The following ALG6 variants were observed in gnomAD, a reference collection of about 807,000 sequenced individuals.
The protein encoded by ALG6 is ALG6 alpha-1,3-glucosyltransferase, also known as dolichyl pyrophosphate Man9GlcNAc2 alpha-1,3-glucosyltransferase.
Under a neutral mutation model 66.6 loss-of-function variants are expected in ALG6, and 46 were observed. That is an observed-to-expected ratio of 0.69 (90% confidence interval 0.55 to 0.88). ALG6 has a LOEUF of 0.88. Among genes scored for constraint, ALG6 ranks in the 40% least tolerant of loss-of-function variants. The probability of loss-of-function intolerance (pLI) is 0.00; values close to 1 mark genes in which losing one functional copy is unlikely to be tolerated. For missense variants in ALG6, 505 were observed against 586.8 expected (o/e 0.86, Z 1.44); for synonymous variants, 185 against 203.7 (o/e 0.91, Z 0.78).
At chr1:63,386,097 G>A (rs1346792192) in intron 2 of ALG6, among the ~76,000 whole-genome samples, 1 of 152,136 alleles carries the variant, frequency 6.6e-6, no homozygotes, top group Admixed American at 6.6e-5. Context: ...CCTTCATTGT[G>A]TTGATTTGAT....
intron 14 of ALG6, among the ~76,000 whole-genome samples, chr1:63,430,459 C>T (rs1644640280): frequency 6.6e-6 from 1 of 152,206 alleles, no homozygotes; most frequent in Non-Finnish European, 1.5e-5. Context: ...CTATGTTTAA[C>T]ATCTTCAGAA....
In ALG6 at chr1:63,407,204, A is replaced by G. The variant is rs1312767640; in HGVS notation, c.494+78A>G. 4.0e-6 allele frequency: 4 copies of G among 991,676 alleles called. 1 individual carries two copies. The highest frequency in any genetic ancestry group is 6.5e-6 in the Non-Finnish European group (4 of 618,514). The allele number at this position is 991,676 out of a possible 1,614,324, so 61.4% of individuals were successfully genotyped here. A position where few individuals can be genotyped will look rare whatever the true frequency, so the allele number is the denominator to read the frequency against. ...CTCAATGTGTACATTGCTGTCATCT[A>G]GTAATGTCTTATTTGATAGAGTGCT... On this transcript the variant is annotated intron_variant, in intron 7 of 14. Coordinates refer to ENST00000263440, the MANE Select transcript of ALG6 (RefSeq NM_013339.4).
intron 12 of ALG6, among the ~76,000 whole-genome samples, chr1:63,423,567 A>C (rs1227493649): frequency 2.6e-5 from 4 of 151,934 alleles, no homozygotes; most frequent in South Asian, 2.1e-4. Flanking sequence ...ATCTCTGTGG[A>C]TTTGTCTATT....
At chr1:63,395,581 G>T (rs1648800672) in intron 2 of ALG6, among the ~76,000 whole-genome samples, 1 of 152,170 alleles carries the variant, frequency 6.6e-6, no homozygotes, top group Admixed American at 6.5e-5. Flanking sequence ...TATAATCCCA[G>T]CTACTCGGGA....
chr1:63,407,004 AC>A (rs1365996282), intron 6 of ALG6, 57 bp from the exon 7 acceptor site: 2 of 1,349,698 alleles, frequency 1.5e-6, no homozygotes, highest in African/African-American at 2.9e-5. Flanking sequence ...CCACACTTTT[AC>A]CCTGCTTGAT....
At chr1:63,410,662 T>C (rs1038389680) in intron 7 of ALG6, among the ~76,000 whole-genome samples, 2 of 152,214 alleles carry the variant, frequency 1.3e-5, no homozygotes, top group Non-Finnish European at 2.9e-5. Context: ...AAAATCTAAT[T>C]GTGATATTGT....
intron 12 of ALG6, among the ~76,000 whole-genome samples, chr1:63,426,681 C>A (rs11578510): frequency 0.16 from 24,407 of 151,602 alleles, 2,327 homozygotes; most frequent in South Asian, 0.22. Flanking sequence ...GTAACAAGTA[C>A]CCCAGGCGTG....
At chr1:63,394,706 A>C (rs963952343) in intron 2 of ALG6, among the ~76,000 whole-genome samples, 2 of 152,024 alleles carry the variant, frequency 1.3e-5, no homozygotes, top group African/African-American at 4.8e-5. Flanking sequence ...AATAAAAGCT[A>C]CTTAACCAAC....
intron 14 of ALG6, among the ~76,000 whole-genome samples, chr1:63,430,877 A>C (rs1482405563): frequency 1.3e-5 from 2 of 152,020 alleles, no homozygotes; most frequent in Non-Finnish European, 2.9e-5. Context: ...TGCAGCAGAA[A>C]AGTTTTGATT....
intron 14 of ALG6, chr1:63,429,423 GA>G (rs1191992649): frequency 3.4e-6 from 1 of 293,456 alleles, no homozygotes; most frequent in Non-Finnish European, 6.4e-6. Context: ...TGCCTCTTTA[GA>G]TTTGCCTACT....
At chr1:63,395,510 A>G (rs1175611070) in intron 2 of ALG6, among the ~76,000 whole-genome samples, 2 of 152,124 alleles carry the variant, frequency 1.3e-5, no homozygotes, top group Non-Finnish European at 1.5e-5. Flanking sequence ...AGCCTGGCCA[A>G]CATGGTGAAA....
intron 3 of ALG6, among the ~76,000 whole-genome samples, chr1:63,400,289 ATATATACG>A (rs1570057507): frequency 4.5e-5 from 1 of 22,048 alleles, no homozygotes; most frequent in African/African-American, 3.6e-4. Flanking sequence ...ATACGTATAT[ATATATACG>A]TATATATATG....
intron 2 of ALG6, among the ~76,000 whole-genome samples, chr1:63,382,642 TTTTTTTTTGTTTGTTTTTTTTTG>T (rs1246021985): frequency 1.6e-5 from 2 of 126,338 alleles, no homozygotes; most frequent in Admixed American, 7.7e-5. Context: ...CCTGGCTAAG[TTTTTTTTTGTTTGTTTTTTTTTG>T]TTTTTTTTTT....
chr1:63,430,573 T>C (rs1200032552), intron 14 of ALG6, among the ~76,000 whole-genome samples: 1 of 152,242 alleles, frequency 6.6e-6, no homozygotes, highest in Admixed American at 6.5e-5. Context: ...GTTGTCTTTT[T>C]AATTATAACC....
chr1:63,369,963 C>A (rs748216254), intron 1 of ALG6, among the ~76,000 whole-genome samples: 1 of 151,920 alleles, frequency 6.6e-6, no homozygotes, highest in Non-Finnish European at 1.5e-5. Context: ...GGATCACAGG[C>A]GAGCGCCACC....
intron 6 of ALG6, 111 bp from the exon 7 acceptor site, chr1:63,406,951 A>G (rs1644492202): frequency 2.6e-6 from 2 of 779,300 alleles, no homozygotes; most frequent in South Asian, 2.9e-5. Context: ...AAAGTGTGAC[A>G]CCTCTGGAAA....
chr1:63,434,379 G>A (rs1644666908), intron 14 of ALG6, among the ~76,000 whole-genome samples: 1 of 152,182 alleles, frequency 6.6e-6, no homozygotes, highest in Admixed American at 6.5e-5. Context: ...ATTGGAGGAA[G>A]CATGTTGAAG....
At chr1:63,395,987 A>G (rs1648813699) in intron 2 of ALG6, among the ~76,000 whole-genome samples, 1 of 152,170 alleles carries the variant, frequency 6.6e-6, no homozygotes, top group African/African-American at 2.4e-5. Flanking sequence ...AGCATTTTAC[A>G]TTGTTAGGTA....
At chr1:63,408,995 G>A (rs1284212504) in intron 7 of ALG6, among the ~76,000 whole-genome samples, 2 of 152,144 alleles carry the variant, frequency 1.3e-5, no homozygotes, top group Non-Finnish European at 2.9e-5. Context: ...GGCCAGACTG[G>A]TCTCAAACTC....
Sources: allele counts gnomAD v4.1 joint callset (sites outside exome capture counted in the v4.1 genomes callset), GRCh38; gene constraint gnomAD v4.1.1; transcripts MANE v1.5; gene names NCBI Gene and HGNC (gene_info 2026-07-23, HGNC 2026-07-21).